Variants in TULP4 observed in about 807,000 individuals in gnomAD.
TULP4 encodes the protein TUB like protein 4.
A neutral mutation model predicts 129.0 loss-of-function variants in TULP4; 16 were observed. The observed-to-expected ratio is 0.12, with a 90% CI of 0.08 to 0.19. TULP4 has a LOEUF of 0.19. TULP4 is among the 10% of genes least tolerant of loss of function. The pLI is 1.00. For missense variants in TULP4, 1,842 were observed against 2,059.1 expected, an observed-to-expected ratio of 0.89 and a Z score of 2.04; for synonymous variants, 998 against 854.0, an observed-to-expected ratio of 1.17 and a Z score of -2.94.
At chr6:158,327,776 A>T (rs184674970) in intron 1 of TULP4, among the ~76,000 whole-genome samples, 12 of 151,912 alleles carry the variant, frequency 7.9e-5, no homozygotes, top group Admixed American at 2.0e-4. Context: ...CCCCACCACC[A>T]CCCAGATTTT....
rs1258718546 is a variant in TULP4 at position 158,494,818 on chromosome 6, T to C, written c.1842T>C (p.Ala614=). The part of the protein sequence containing the change: ...WGTKFKIVGL[A]AFLPTNLGAV... ...CCAAATTTAAGATTGTGGGCTTGGCTGCTTTCCTGCCAACCAACCTCGGTG... is the reference window on the plus strand; with the variant it reads ...CCAAATTTAAGATTGTGGGCTTGGCCGCTTTCCTGCCAACCAACCTCGGTG... The change falls in exon 11 of 14, where the codon GCT becomes GCC. Residue 614 remains alanine, a synonymous_variant. Transcript: ENST00000367097. The C allele has an allele frequency of 6.2e-7, 1 of 1,614,144 alleles. No homozygotes were observed. The highest frequency in any genetic ancestry group is 1.1e-5 in the South Asian group (1 of 91,072).
chr6:158,344,626 ATGT>A (rs1780260292), intron 1 of TULP4, among the ~76,000 whole-genome samples: 1 of 152,114 alleles, frequency 6.6e-6, no homozygotes, highest in Non-Finnish European at 1.5e-5. Flanking sequence ...ATCTTAGTAA[ATGT>A]TGTATGTGTT....
chr6:158,332,178 AAAAAAAAAAAAAAAAAAAAAAAAT>A (rs1197405493), intron 1 of TULP4, among the ~76,000 whole-genome samples: 15 of 63,002 alleles, frequency 2.4e-4, no homozygotes, highest in African/African-American at 1.2e-3. Flanking sequence ...TCAAAAAAAA[AAAAAAAAAAAAAAAAAAAAAAAAT>A]ATATATATAT....
intron 1 of TULP4, among the ~76,000 whole-genome samples, chr6:158,314,980 T>C (rs1779455821): frequency 6.6e-6 from 1 of 152,186 alleles, no homozygotes; most frequent in Admixed American, 6.5e-5. Context: ...AGAGCGTGAT[T>C]GGTAATTTCT....
chr6:158,487,544 T>C (rs1386237784), intron 8 of TULP4, among the ~76,000 whole-genome samples: 1 of 152,222 alleles, frequency 6.6e-6, no homozygotes, highest in African/African-American at 2.4e-5. Flanking sequence ...AGTTAAGCCA[T>C]AGGTTCTCAA....
chr6:158,370,353 A>T (rs1777043803), intron 1 of TULP4, among the ~76,000 whole-genome samples: 1 of 149,546 alleles, frequency 6.7e-6, no homozygotes, highest in South Asian at 2.2e-4. Flanking sequence ...GCTACTCAGG[A>T]GGCCGAGGCA....
At chr6:158,492,091 C>G (rs1372555966) in intron 9 of TULP4, among the ~76,000 whole-genome samples, 6 of 152,166 alleles carry the variant, frequency 3.9e-5, no homozygotes, top group African/African-American at 1.2e-4. Context: ...AACTCCTGAC[C>G]TTGTGATCCG....
At chr6:158,475,043 C>T (rs1286682491) in intron 6 of TULP4, among the ~76,000 whole-genome samples, 1 of 152,186 alleles carries the variant, frequency 6.6e-6, no homozygotes, top group Admixed American at 6.5e-5. Context: ...TAATGACTAA[C>T]AGCTCAGTAG....
At chr6:158,378,141 C>A (rs1488934794) in intron 1 of TULP4, among the ~76,000 whole-genome samples, 1 of 152,166 alleles carries the variant, frequency 6.6e-6, no homozygotes, top group Non-Finnish European at 1.5e-5. Context: ...CCATTAAGTT[C>A]TCTGAAGGCC....
intron 3 of TULP4, among the ~76,000 whole-genome samples, chr6:158,430,348 G>T (rs1377956449): frequency 2.6e-5 from 4 of 152,010 alleles, no homozygotes; most frequent in African/African-American, 4.8e-5. Context: ...ATGAGCCTCT[G>T]GTTCGTTTTT....
intron 1 of TULP4, among the ~76,000 whole-genome samples, chr6:158,403,217 G>T (rs1487742612): frequency 3.3e-5 from 5 of 152,154 alleles, no homozygotes; most frequent in African/African-American, 1.2e-4. Context: ...TTGAAAGCAG[G>T]TGAGGACCCT....
chr6:158,330,962 C>T (rs1779865504), intron 1 of TULP4, among the ~76,000 whole-genome samples: 1 of 152,112 alleles, frequency 6.6e-6, no homozygotes, highest in South Asian at 2.1e-4. Flanking sequence ...CAGAATACTA[C>T]ATAAATGATG....
At chr6:158,480,904 C>A (rs1271399003) in intron 7 of TULP4, 151 bp from the exon 8 acceptor site, 2 of 639,110 alleles carry the variant, frequency 3.1e-6, no homozygotes, top group African/African-American at 1.8e-5. Flanking sequence ...CTGTTCTACA[C>A]CACATAGTTA....
intron 3 of TULP4, among the ~76,000 whole-genome samples, chr6:158,435,327 A>C (rs955372241): frequency 6.6e-6 from 1 of 152,032 alleles, no homozygotes; most frequent in African/African-American, 2.4e-5. Flanking sequence ...GCCACAGAGC[A>C]TGCTTCTCTC....
chr6:158,320,641 A>T, intron 1 of TULP4, among the ~76,000 whole-genome samples: 1 of 152,136 alleles, frequency 6.6e-6, no homozygotes. Context: ...CATGTTGACC[A>T]GGCTGGTCTC....
Position 158,313,973 on chromosome 6 carries a change from G to A in TULP4, c.-44G>A, listed in dbSNP as rs191758294. 2.5e-6 allele frequency: 4 copies of A among 1,597,470 alleles called. No individual in the cohort carries two copies. Among genetic ancestry groups the A allele is most frequent in the Non-Finnish European group, 3.4e-6 (4 of 1,170,178 alleles). ...GAAAGAAATTGGTTTAAATTTCACA[G>A]CATTAACATTACTTTTTAAGTAAAA... On this transcript the variant is annotated 5_prime_UTR_variant, in exon 1 of 14. Transcript: ENST00000367097.
intron 2 of TULP4, among the ~76,000 whole-genome samples, chr6:158,416,261 C>G (rs1291407656): frequency 6.6e-6 from 1 of 152,192 alleles, no homozygotes; most frequent in Non-Finnish European, 1.5e-5. Flanking sequence ...TGGCAACACC[C>G]TCACAGACAC....
In TULP4 at chr6:158,507,414, T is replaced by G. The variant is rs575688659; in HGVS notation, c.*720T>G. 6.6e-6 allele frequency: 1 copy of G among 152,384 alleles called. No individual in the cohort carries two copies. The highest frequency in any genetic ancestry group is 2.1e-4 in the South Asian group (1 of 4,838). The allele number at this position is 152,384 out of a possible 1,614,324, so 9.4% of individuals were successfully genotyped here. ...GCAATGTGACTCAGCGTGTGACTTGTAGCAGCAGTACGAGGGCTACACTCC... is the reference window on the plus strand; with the variant it reads ...GCAATGTGACTCAGCGTGTGACTTGGAGCAGCAGTACGAGGGCTACACTCC... On this transcript the variant is annotated 3_prime_UTR_variant, in exon 14 of 14. Transcript: ENST00000367097.
chr6:158,420,504 C>T (rs77490148), intron 2 of TULP4, among the ~76,000 whole-genome samples: 1 of 152,066 alleles, frequency 6.6e-6, no homozygotes, highest in Non-Finnish European at 1.5e-5. Flanking sequence ...GTTTTCTGAC[C>T]GAGTTTCATT....
Sources: allele counts gnomAD v4.1 joint callset (sites outside exome capture counted in the v4.1 genomes callset), GRCh38; gene constraint gnomAD v4.1.1; transcripts MANE v1.5; gene names NCBI Gene and HGNC (gene_info 2026-07-23, HGNC 2026-07-21).